Variants in DAPP1 observed in about 807,000 individuals in gnomAD.
DAPP1 encodes dual adapter for phosphotyrosine and 3-phosphotyrosine and 3-phosphoinositide.
DAPP1 carries 20 observed loss-of-function variants against 41.5 expected under a neutral mutation model. The ratio of observed to expected loss-of-function variants is 0.48; its 90% CI spans 0.34 to 0.70. The LOEUF (loss-of-function observed/expected upper bound fraction) is 0.70, where lower values mean the gene tolerates loss of function less well. DAPP1 is among the 30% of genes least tolerant of loss of function. The pLI is 0.01. For missense variants in DAPP1, 233 were observed against 333.4 expected (o/e 0.70, Z 2.35); for synonymous variants, 113 against 116.2 (o/e 0.97, Z 0.18).
At chr4:99,862,641 G>A (rs1487670815) in intron 5 of DAPP1, among the ~76,000 whole-genome samples, 1 of 152,000 alleles carries the variant, frequency 6.6e-6, no homozygotes, top group Non-Finnish European at 1.5e-5. Flanking sequence ...AATTGTAGTG[G>A]TTTGTTATAA....
downstream of DAPP1, among the ~76,000 whole-genome samples, chr4:99,871,629 C>T (rs1220496061): frequency 6.6e-6 from 1 of 152,186 alleles, no homozygotes; most frequent in Non-Finnish European, 1.5e-5. Context: ...TGCACAACAG[C>T]CCAGTCTGTG....
At chr4:99,843,384 AT>A (rs1251731360) in intron 3 of DAPP1, among the ~76,000 whole-genome samples, 2 of 152,180 alleles carry the variant, frequency 1.3e-5, no homozygotes, top group Non-Finnish European at 2.9e-5. Flanking sequence ...GATTAATGCT[AT>A]TTTAAGATAT....
downstream of DAPP1, among the ~76,000 whole-genome samples, chr4:99,871,422 A>T (rs10031164): frequency 0.083 from 12,572 of 151,178 alleles, 633 homozygotes; most frequent in East Asian, 0.27. Flanking sequence ...TTTTTTTTTT[A>T]AATTTATAAT....
intron 7 of DAPP1, 82 bp from the exon 8 acceptor site, chr4:99,865,937 ATATTATATTATATAT>A (rs1724424517): frequency 1.3e-5 from 1 of 78,820 alleles, no homozygotes; most frequent in African/African-American, 6.2e-5. Context: ...TATATATAAT[ATATTATATTATATAT>A]TATATTATAT....
rs560335882 is a variant in DAPP1, at chr4:99,839,430, A to G, written c.225-859A>G. Among the ~76,000 whole-genome samples the G allele has an allele frequency of 1.9e-4, 28 of 148,796 alleles. No individual in the cohort carries two copies. The East Asian group carries it at 3.7e-3, about 20-fold the overall frequency. The stretch of plus-strand genomic sequence containing the variant: ...TAGATATATATATAGATATATATAT[A>G]TTGTTTAATACTCTGCCTCATTTCA... On this transcript the variant is annotated intron_variant, in intron 2 of 8. Coordinates refer to ENST00000512369, the MANE Select transcript of DAPP1 (RefSeq NM_014395.3).
intron 2 of DAPP1, among the ~76,000 whole-genome samples, chr4:99,838,232 T>C (rs965183073): frequency 6.6e-5 from 10 of 152,274 alleles, no homozygotes; most frequent in African/African-American, 2.2e-4. Flanking sequence ...ATATTTCATA[T>C]ACATAAAAAA....
At chr4:99,849,842 G>T (rs1327588654) in intron 3 of DAPP1, among the ~76,000 whole-genome samples, 1 of 152,164 alleles carries the variant, frequency 6.6e-6, no homozygotes, top group Non-Finnish European at 1.5e-5. Flanking sequence ...AGCCAGAAGG[G>T]AGAGAACCAG....
chr4:99,856,146 G>T (rs1269423703), intron 4 of DAPP1, among the ~76,000 whole-genome samples: 4 of 152,032 alleles, frequency 2.6e-5, no homozygotes, highest in African/African-American at 9.7e-5. Context: ...TTTAAGCACT[G>T]GGAGTTTGGC....
intron 1 of DAPP1, among the ~76,000 whole-genome samples, chr4:99,833,878 C>T (rs1011994039): frequency 6.6e-6 from 1 of 152,228 alleles, no homozygotes; most frequent in African/African-American, 2.4e-5. Context: ...CTAAGCACTG[C>T]TTTAGTTGCC....
At chr4:99,854,847 G>T (rs770655757) in intron 4 of DAPP1, among the ~76,000 whole-genome samples, 3 of 152,126 alleles carry the variant, frequency 2.0e-5, no homozygotes, top group Non-Finnish European at 4.4e-5. Context: ...AAATTACCAT[G>T]CTGTGGGCTA....
At chr4:99,834,877 A>G (rs900467146) in intron 1 of DAPP1, among the ~76,000 whole-genome samples, 2 of 152,136 alleles carry the variant, frequency 1.3e-5, no homozygotes, top group African/African-American at 4.8e-5. Context: ...AATCTGTTCC[A>G]GGCCTCTTCC....
chr4:99,851,214 A>T lies in DAPP1; in HGVS notation c.359-2004A>T, dbSNP rs545039247. Among the ~76,000 whole-genome samples the T allele has an allele frequency of 3.7e-4, 57 of 152,284 alleles. 1 individual carries two copies. The South Asian group carries it at 0.012, about 31-fold the overall frequency. ...GTAGCCGGCCCCTTCTCCTCATATG[A>T]CTGGATCTGTTCTTATGGGAAGATC... On this transcript the variant is annotated intron_variant, in intron 3 of 8. Coordinates refer to ENST00000512369, the MANE Select transcript of DAPP1 (RefSeq NM_014395.3).
At chr4:99,854,173 C>T (rs1723965562) in intron 4 of DAPP1, among the ~76,000 whole-genome samples, 1 of 152,138 alleles carries the variant, frequency 6.6e-6, no homozygotes, top group Non-Finnish European at 1.5e-5. Flanking sequence ...GCAATTGGAG[C>T]ACTCATTGTT....
chr4:99,816,985 T>C lies in DAPP1; in HGVS notation c.72T>C (p.Asp24=), dbSNP rs1722608848. The C allele has an allele frequency of 6.2e-7, 1 of 1,605,554 alleles. No individual in the cohort carries two copies. Among genetic ancestry groups the C allele is most frequent in the African/African-American group, 1.3e-5 (1 of 74,878 alleles). ...CCTCAGATCTGTGGAGCAGATCCGA[T>C]GGAGAGGCTGAGCTGCTCCAGGACT... ...QDPSDLWSRS[D]GEAELLQDLG... is the part of the protein sequence containing the mutation. The change falls in exon 1 of 9, where the codon GAT becomes GAC. Residue 24 remains aspartate, a synonymous_variant. Coordinates refer to ENST00000512369, the MANE Select transcript of DAPP1 (RefSeq NM_014395.3).
chr4:99,860,502 A>G (rs1025104200), intron 4 of DAPP1, among the ~76,000 whole-genome samples: 3 of 152,246 alleles, frequency 2.0e-5, no homozygotes, highest in East Asian at 1.9e-4. Flanking sequence ...TATCAAATTC[A>G]CCAATATTGA....
At chr4:99,830,161 T>C (rs1233553870) in intron 1 of DAPP1, among the ~76,000 whole-genome samples, 1 of 152,170 alleles carries the variant, frequency 6.6e-6, no homozygotes, top group African/African-American at 2.4e-5. Context: ...GGCCGGGAGA[T>C]GACCTGAGGT....
intron 1 of DAPP1, among the ~76,000 whole-genome samples, chr4:99,821,996 C>A (rs1171507419): frequency 1.3e-5 from 2 of 152,194 alleles, no homozygotes; most frequent in African/African-American, 2.4e-5. Flanking sequence ...AGCGGTGTGA[C>A]ACTAACTACA....
intron 4 of DAPP1, among the ~76,000 whole-genome samples, chr4:99,858,157 T>A (rs1476334104): frequency 6.6e-6 from 1 of 152,236 alleles, no homozygotes; most frequent in Non-Finnish European, 1.5e-5. Context: ...CAAGCTTCAC[T>A]AGTTTTCTCA....
At chr4:99,829,107 CTA>C (rs1286460399) in intron 1 of DAPP1, among the ~76,000 whole-genome samples, 2 of 151,792 alleles carry the variant, frequency 1.3e-5, no homozygotes, top group African/African-American at 4.8e-5. Flanking sequence ...TTTAGCAAAT[CTA>C]GTTTTTTTTC....
Sources: allele counts gnomAD v4.1 joint callset (sites outside exome capture counted in the v4.1 genomes callset), GRCh38; gene constraint gnomAD v4.1.1; transcripts MANE v1.5; gene names NCBI Gene and HGNC (gene_info 2026-07-23, HGNC 2026-07-21).